Variants in DENND1A observed in about 807,000 individuals in gnomAD.
DENND1A encodes DENN domain containing 1A, also known as DENN domain-containing protein 1A.
Under a neutral mutation model 113.7 loss-of-function variants are expected in DENND1A, and 51 were observed. The ratio of observed to expected loss-of-function variants is 0.45; its 90% confidence interval spans 0.36 to 0.57. The LOEUF (loss-of-function observed/expected upper bound fraction) is 0.57. Ranked by LOEUF, DENND1A falls within the 20% of genes least tolerant of loss-of-function variation. DENND1A has a pLI of 0.00. For synonymous variants in DENND1A, 565 were observed against 570.8 expected, an observed-to-expected ratio of 0.99 and a Z score of 0.14; for missense variants, 1,258 against 1,395.9, an observed-to-expected ratio of 0.90 and a Z score of 1.57.
chr9:123,898,624 T>C (rs1049814722), intron 1 of DENND1A, among the ~76,000 whole-genome samples: 8 of 152,214 alleles, frequency 5.3e-5, no homozygotes, highest in Admixed American at 2.6e-4. Flanking sequence ...CCAGCTGATA[T>C]ATGTTTTACA....
chr9:123,498,873 C>A (rs1564605084), intron 13 of DENND1A, among the ~76,000 whole-genome samples: 3 of 152,076 alleles, frequency 2.0e-5, no homozygotes, highest in Admixed American at 2.0e-4. Context: ...CAGGCACACA[C>A]CCCCATGCCT....
intron 18 of DENND1A, among the ~76,000 whole-genome samples, chr9:123,443,664 G>C (rs560642163): frequency 6.6e-6 from 1 of 152,352 alleles, no homozygotes; most frequent in African/African-American, 2.4e-5. Context: ...CGTCAAGGAA[G>C]AAATAAGAGG....
At chr9:123,545,516 G>T (rs1032775268) in intron 13 of DENND1A, among the ~76,000 whole-genome samples, 2 of 151,926 alleles carry the variant, frequency 1.3e-5, no homozygotes, top group East Asian at 3.9e-4. Flanking sequence ...GCCCAGGCTG[G>T]AGTGCAGTGG....
At chr9:123,724,265 G>A (rs1025124404) in intron 5 of DENND1A, among the ~76,000 whole-genome samples, 3 of 152,164 alleles carry the variant, frequency 2.0e-5, no homozygotes, top group Non-Finnish European at 4.4e-5. Context: ...TGAAGGGAGG[G>A]AGCATCCAGG....
intron 13 of DENND1A, among the ~76,000 whole-genome samples, chr9:123,476,821 C>T (rs1197799232): frequency 6.6e-6 from 1 of 152,188 alleles, no homozygotes; most frequent in Non-Finnish European, 1.5e-5. Flanking sequence ...AATTGGGAAA[C>T]TGAGCCACAT....
At chr9:123,596,947 A>G (rs2059721518) in intron 11 of DENND1A, among the ~76,000 whole-genome samples, 1 of 152,256 alleles carries the variant, frequency 6.6e-6, no homozygotes, top group Non-Finnish European at 1.5e-5. Flanking sequence ...AATAATGAGC[A>G]TAACGTGTCT....
chr9:123,448,389 T>A (rs2047463041), intron 18 of DENND1A, among the ~76,000 whole-genome samples: 1 of 152,214 alleles, frequency 6.6e-6, no homozygotes, highest in Admixed American at 6.5e-5. Context: ...TAAGGTGATG[T>A]CTGTAGCTTA....
chr9:123,878,429 A>C (rs560120390), intron 2 of DENND1A, among the ~76,000 whole-genome samples: 13 of 152,304 alleles, frequency 8.5e-5, no homozygotes, highest in African/African-American at 3.1e-4. Flanking sequence ...AGGAACACAT[A>C]TTCAAATTAG....
At chr9:123,614,439 G>A (rs751424058) in intron 10 of DENND1A, among the ~76,000 whole-genome samples, 5 of 152,180 alleles carry the variant, frequency 3.3e-5, no homozygotes, top group Non-Finnish European at 7.3e-5. Flanking sequence ...ACTTACTAAC[G>A]ATCCTGTAGT....
intron 11 of DENND1A, among the ~76,000 whole-genome samples, chr9:123,595,981 C>T (rs2059670841): frequency 6.6e-6 from 1 of 152,172 alleles, no homozygotes; most frequent in East Asian, 1.9e-4. Flanking sequence ...CTGAAGCAGG[C>T]TTCCCACTGC....
intron 11 of DENND1A, among the ~76,000 whole-genome samples, chr9:123,592,037 T>G (rs2059483249): frequency 6.6e-6 from 1 of 152,208 alleles, no homozygotes; most frequent in African/African-American, 2.4e-5. Context: ...CTCAGTGTTC[T>G]TATCAATAAA....
At chr9:123,431,899 C>A (rs2046159610) in intron 19 of DENND1A, among the ~76,000 whole-genome samples, 1 of 152,188 alleles carries the variant, frequency 6.6e-6, no homozygotes, top group Non-Finnish European at 1.5e-5. Context: ...TCTGGACGGT[C>A]TGGAGGGGTG....
chr9:123,381,942 T>G lies in DENND1A; in HGVS notation c.2703A>C (p.Ala901=), dbSNP rs1415512957. Residue 901 remains alanine, a synonymous_variant, in exon 24 of 24, where the codon GCA becomes GCC. Transcript: ENST00000394215. This position sits in a 1 kb window ranked among gnomAD's most constrained non-coding sequence, Gnocchi z 4.7. The part of the protein sequence containing the change: ...PLNPFVPSMP[A]APPTLPLVST... The stretch of plus-strand genomic sequence containing the variant: ...AGACCAGGGGCAGGGTGGGTGGGGC[T>G]GCTGGCATGGATGGGACAAAGGGGT... The G allele has an allele frequency of 6.2e-6, 9 of 1,451,654 alleles. No homozygotes were observed. In the African/African-American group the frequency reaches 1.3e-4, roughly 21 times the overall value. 89.9% of individuals were successfully genotyped at this position (1,451,654 alleles called of 1,614,324 possible). A position where few individuals can be genotyped will look rare whatever the true frequency, so the allele number is the denominator to read the frequency against.
In DENND1A at chr9:123,598,918, G is replaced by A. The variant is rs537484545; in HGVS notation, c.765+10518C>T. Among the ~76,000 whole-genome samples the A allele has an allele frequency of 8.5e-5, 13 of 152,252 alleles. No homozygotes were observed. In the South Asian group the frequency reaches 2.7e-3, roughly 32 times the overall value. The stretch of plus-strand genomic sequence containing the variant: ...GCTAAGGAAGTGTCCAGGAGTCTAG[G>A]CACAGCTCCAATCTGCACCTTTTAG... On this transcript the variant is annotated intron_variant, in intron 11 of 23. Transcript: ENST00000394215.
At chr9:123,548,973 T>C (rs914576376) in intron 13 of DENND1A, among the ~76,000 whole-genome samples, 4 of 152,242 alleles carry the variant, frequency 2.6e-5, no homozygotes, top group African/African-American at 7.2e-5. Flanking sequence ...ATGAAAAATG[T>C]TGCAAATAGA....
intron 13 of DENND1A, among the ~76,000 whole-genome samples, chr9:123,467,935 C>T (rs1301438201): frequency 2.0e-5 from 3 of 152,200 alleles, no homozygotes; most frequent in Non-Finnish European, 4.4e-5. Flanking sequence ...GCATTTTGTG[C>T]ACTCTCACTC....
At chr9:123,494,865 C>T (rs1307711009) in intron 13 of DENND1A, among the ~76,000 whole-genome samples, 9 of 152,098 alleles carry the variant, frequency 5.9e-5, no homozygotes, top group Admixed American at 5.2e-4. Flanking sequence ...AATCTCAGCT[C>T]ACTGCAACCT....
chr9:123,524,389 G>T (rs1243262751), intron 13 of DENND1A, among the ~76,000 whole-genome samples: 1 of 152,222 alleles, frequency 6.6e-6, no homozygotes, highest in Non-Finnish European at 1.5e-5. Context: ...TAAGTCCAGG[G>T]TGGATCTAGA....
chr9:123,916,722 G>A (rs1308157069), intron 1 of DENND1A, among the ~76,000 whole-genome samples: 2 of 152,018 alleles, frequency 1.3e-5, no homozygotes, highest in Admixed American at 6.6e-5. Flanking sequence ...AATCAAACTC[G>A]GTACCTATGT....
Sources: gnomAD v4.1 joint callset for allele counts (sites outside exome capture counted in the v4.1 genomes callset) on GRCh38, gnomAD v4.1.1 for gene constraint, Gnocchi (gnomAD v3.1) non-coding constraint, MANE v1.5 for transcripts, NCBI Gene and HGNC (gene_info 2026-07-23, HGNC 2026-07-21) for gene names.